The following LRMDA variants were observed in gnomAD, a reference collection of about 807,000 sequenced individuals.
LRMDA encodes leucine-rich melanocyte differentiation-associated protein.
A neutral mutation model predicts 29.8 loss-of-function variants in LRMDA; 18 were observed. That is an observed-to-expected ratio of 0.60 (90% CI 0.42 to 0.90). The LOEUF (loss-of-function observed/expected upper bound fraction) is 0.90, where lower values mean the gene tolerates loss of function less well. LRMDA is among the 40% of genes least tolerant of loss of function. The pLI, the probability that LRMDA is intolerant of heterozygous loss-of-function variation, is 0.00. For missense variants in LRMDA, 273 were observed against 273.9 expected (o/e 1.00, Z 0.02); for synonymous variants, 125 against 109.4 (o/e 1.14, Z -0.89).
intron 6 of LRMDA, among the ~76,000 whole-genome samples, chr10:76,541,739 G>T (rs1056027947): frequency 3.9e-5 from 6 of 152,010 alleles, no homozygotes; most frequent in Admixed American, 2.0e-4. Flanking sequence ...GTCAGAACAC[G>T]GCATGCCAGT....
At chr10:76,371,942 G>A (rs1173077035) in intron 6 of LRMDA, among the ~76,000 whole-genome samples, 4 of 152,124 alleles carry the variant, frequency 2.6e-5, no homozygotes, top group Non-Finnish European at 5.9e-5. Context: ...TCTCTGCTGA[G>A]GTCTCCTTGC....
chr10:75,731,251 G>A (rs575621807), intron 2 of LRMDA, among the ~76,000 whole-genome samples: 2 of 152,302 alleles, frequency 1.3e-5, no homozygotes, highest in African/African-American at 2.4e-5. Flanking sequence ...TTTCTGATAT[G>A]GTAACTTCAA....
chr10:75,695,353 T>G (rs915521835), intron 2 of LRMDA, among the ~76,000 whole-genome samples: 1 of 152,166 alleles, frequency 6.6e-6, no homozygotes, highest in East Asian at 1.9e-4. Context: ...TTTACCCTTT[T>G]CTTTCTCTTA....
intron 5 of LRMDA, among the ~76,000 whole-genome samples, chr10:76,254,300 T>TATACCATACC (rs1554859356): frequency 0.04 from 3,568 of 90,314 alleles, 93 homozygotes; most frequent in Non-Finnish European, 0.047. Context: ...TATACTATAC[T>TATACCATACC]ATACCATACC....
chr10:76,009,246 A>G (rs1275892010), intron 2 of LRMDA, among the ~76,000 whole-genome samples: 1 of 151,846 alleles, frequency 6.6e-6, no homozygotes, highest in African/African-American at 2.4e-5. Context: ...CCTCTTTGGG[A>G]CCCCCACTGC....
At chr10:76,132,008 TACA>T (rs957025303) in intron 5 of LRMDA, among the ~76,000 whole-genome samples, 5 of 152,196 alleles carry the variant, frequency 3.3e-5, no homozygotes, top group African/African-American at 1.2e-4. Context: ...TTACCTCCAG[TACA>T]ACAATTCAAG....
At chr10:76,171,130 C>G (rs752230110) in intron 5 of LRMDA, among the ~76,000 whole-genome samples, 1 of 152,134 alleles carries the variant, frequency 6.6e-6, no homozygotes, top group South Asian at 2.1e-4. Context: ...TTTTAAAACC[C>G]CTTGTCCCTA....
intron 2 of LRMDA, among the ~76,000 whole-genome samples, chr10:75,695,348 CCTTTT>C (rs1842220913): frequency 6.6e-6 from 1 of 151,812 alleles, no homozygotes; most frequent in Admixed American, 6.6e-5. Flanking sequence ...TTAATTTTAC[CCTTTT>C]CTTTCTCTTA....
chr10:76,371,321 A>G (rs1368631228), intron 6 of LRMDA, among the ~76,000 whole-genome samples: 1 of 152,206 alleles, frequency 6.6e-6, no homozygotes, highest in East Asian at 1.9e-4. Context: ...GGGTCACAAA[A>G]TGACAGGATT....
chr10:75,821,858 A>T (rs1446261793), intron 2 of LRMDA, among the ~76,000 whole-genome samples: 1 of 152,206 alleles, frequency 6.6e-6, no homozygotes, highest in African/African-American at 2.4e-5. Context: ...AAAACCATGT[A>T]TGACAAACCC....
chr10:76,533,818 A>G (rs181847588), intron 6 of LRMDA, among the ~76,000 whole-genome samples: 2 of 152,344 alleles, frequency 1.3e-5, no homozygotes, highest in Non-Finnish European at 2.9e-5. Context: ...CCTGTAATGT[A>G]TATGCTCAAC....
intron 2 of LRMDA, among the ~76,000 whole-genome samples, chr10:75,873,490 A>G (rs1845146578): frequency 6.6e-6 from 1 of 152,240 alleles, no homozygotes; most frequent in Non-Finnish European, 1.5e-5. Flanking sequence ...TATGAAGTCA[A>G]TGTTTTAAAA....
intron 5 of LRMDA, among the ~76,000 whole-genome samples, chr10:76,185,337 G>A (rs1463946997): frequency 1.3e-5 from 2 of 152,186 alleles, no homozygotes; most frequent in Non-Finnish European, 2.9e-5. Context: ...AGAAGAGCTT[G>A]TTTACATAAG....
chr10:76,284,137 C>G (rs11001718), intron 5 of LRMDA, among the ~76,000 whole-genome samples: 1 of 152,042 alleles, frequency 6.6e-6, no homozygotes, highest in African/African-American at 2.4e-5. Flanking sequence ...AACAATCATC[C>G]GAATATGTCC....
intron 2 of LRMDA, among the ~76,000 whole-genome samples, chr10:75,675,380 A>G (rs4604811): frequency 0.17 from 25,881 of 152,146 alleles, 5,254 homozygotes; most frequent in African/African-American, 0.47. Flanking sequence ...GATCAGTTAT[A>G]TTCTATACTA....
chr10:76,084,196 A>G (rs1458457773), intron 5 of LRMDA, among the ~76,000 whole-genome samples: 1 of 150,408 alleles, frequency 6.6e-6, no homozygotes, highest in African/African-American at 2.4e-5. Flanking sequence ...TCTTTTCTCT[A>G]TTTATTTATT....
chr10:75,491,054 G>A (rs563567590), intron 2 of LRMDA, among the ~76,000 whole-genome samples: 2 of 152,328 alleles, frequency 1.3e-5, no homozygotes, highest in South Asian at 4.1e-4. Context: ...ATACCATCAG[G>A]AAGGAAGGAG....
intron 2 of LRMDA, among the ~76,000 whole-genome samples, chr10:76,014,513 C>G (rs1847850559): frequency 1.3e-5 from 2 of 152,106 alleles, no homozygotes; most frequent in Non-Finnish European, 2.9e-5. Context: ...CATATACACA[C>G]CAAAAGGACA....
intron 2 of LRMDA, among the ~76,000 whole-genome samples, chr10:75,907,977 C>T (rs1453126237): frequency 1.3e-5 from 2 of 152,170 alleles, no homozygotes; most frequent in South Asian, 2.1e-4. Context: ...GATGAAGACG[C>T]TCCCTGAAGC....
Sources: gnomAD v4.1 joint callset for allele counts (sites outside exome capture counted in the v4.1 genomes callset) on GRCh38, gnomAD v4.1.1 for gene constraint, MANE v1.5 for transcripts, NCBI Gene and HGNC (gene_info 2026-07-23, HGNC 2026-07-21) for gene names.